Variants in TOX2 observed in about 807,000 individuals in gnomAD.
TOX2 encodes the protein TOX high mobility group box family member 2.
TOX2 carries 15 observed loss-of-function variants against 47.4 expected under a neutral mutation model. That is an observed-to-expected ratio of 0.32 (90% CI 0.21 to 0.49). TOX2 has a LOEUF of 0.49. Ranked by LOEUF, TOX2 falls within the 20% of genes least tolerant of loss-of-function variation. The probability of loss-of-function intolerance (pLI) is 0.99; values close to 1 mark genes in which losing one functional copy is unlikely to be tolerated. For missense variants in TOX2, 622 were observed against 673.1 expected (o/e 0.92, Z 0.84); for synonymous variants, 290 against 296.6 (o/e 0.98, Z 0.23).
chr20:43,936,553 C>A (rs554371334), intron 1 of TOX2, among the ~76,000 whole-genome samples: 1 of 152,282 alleles, frequency 6.6e-6, no homozygotes, highest in African/African-American at 2.4e-5. Flanking sequence ...TCTAGGACAG[C>A]CTCCCTCGTG....
In TOX2 at chr20:44,039,954, C is replaced by T. The variant is rs2071305530; in HGVS notation, c.412-11352C>T. ...AGGGACCCCCGAGGTGGGCCGAGGG[C>T]CGGGGGGCAGGGTCTCCACTGCATC... On this transcript the variant is annotated intron_variant, in intron 3 of 8. Coordinates refer to ENST00000341197, the MANE Select transcript of TOX2 (RefSeq NM_001098797.2). 2.6e-5 allele frequency among the ~76,000 whole-genome samples: 4 copies of T among 152,128 alleles called. No individual in the cohort carries two copies. The South Asian group carries it at 8.3e-4, about 32-fold the overall frequency.
At chr20:43,948,559 G>A (rs916737039) in intron 1 of TOX2, among the ~76,000 whole-genome samples, 1 of 152,262 alleles carries the variant, frequency 6.6e-6, no homozygotes, top group South Asian at 2.1e-4. Context: ...GGGAGGTGAG[G>A]TTTCCAGTGG....
intron 3 of TOX2, among the ~76,000 whole-genome samples, chr20:44,048,417 T>TATATATA (rs1388097590): frequency 7.2e-6 from 1 of 139,608 alleles, no homozygotes; most frequent in Non-Finnish European, 1.5e-5. Flanking sequence ...TATATATGTA[T>TATATATA]AATTTACCAA....
intron 4 of TOX2, 62 bp downstream of exon 4, chr20:44,051,607 T>C (rs1189172739): frequency 1.5e-5 from 23 of 1,516,618 alleles, no homozygotes; most frequent in Non-Finnish European, 2.0e-5. Context: ...AGGGGTCCTG[T>C]GGGGAAATGG....
chr20:43,937,307 G>A (rs1414527130), intron 1 of TOX2, among the ~76,000 whole-genome samples: 5 of 152,192 alleles, frequency 3.3e-5, no homozygotes, highest in Non-Finnish European at 1.5e-5. Context: ...GGTTCGCAAA[G>A]GTCCCCTGAG....
chr20:44,041,802 C>T (rs777204796), intron 3 of TOX2, among the ~76,000 whole-genome samples: 1 of 152,166 alleles, frequency 6.6e-6, no homozygotes, highest in African/African-American at 2.4e-5. Context: ...TTTGCTTTTG[C>T]AGTGTGCAGG....
At chr20:44,040,544 C>T (rs2071314856) in intron 3 of TOX2, among the ~76,000 whole-genome samples, 1 of 152,180 alleles carries the variant, frequency 6.6e-6, no homozygotes, top group Non-Finnish European at 1.5e-5. Flanking sequence ...TGATTATGGG[C>T]AAGTCTCTTG....
chr20:44,047,099 A>T (rs977178773), intron 3 of TOX2, among the ~76,000 whole-genome samples: 1 of 152,236 alleles, frequency 6.6e-6, no homozygotes, highest in Non-Finnish European at 1.5e-5. Context: ...AGACTATTTT[A>T]AAAATACTTA....
chr20:44,062,436 T>C lies in TOX2; in HGVS notation c.880-2341T>C, dbSNP rs1312798959. ...TAAATAAAATACTTAGGAATATACC[T>C]AACCAAGGAGGTGGAAGACCTCTAC... On this transcript the variant is annotated intron_variant, in intron 5 of 8. Coordinates refer to ENST00000341197, the MANE Select transcript of TOX2 (RefSeq NM_001098797.2). Among the ~76,000 whole-genome samples the C allele has an allele frequency of 2.0e-5, 3 of 151,650 alleles. No homozygotes were observed. In the South Asian group the frequency reaches 6.2e-4, roughly 31 times the overall value.
chr20:43,938,197 A>G (rs1027151661), intron 1 of TOX2, among the ~76,000 whole-genome samples: 1 of 152,126 alleles, frequency 6.6e-6, no homozygotes, highest in East Asian at 1.9e-4. Context: ...AATAAATAGA[A>G]ACCATGGCAA....
At chr20:44,036,556 G>A (rs2071244453) in intron 3 of TOX2, among the ~76,000 whole-genome samples, 1 of 152,242 alleles carries the variant, frequency 6.6e-6, no homozygotes, top group Non-Finnish European at 1.5e-5. Context: ...CCACATAAAG[G>A]ATAACATTTC....
chr20:43,989,985 G>A (rs184541623), intron 2 of TOX2, among the ~76,000 whole-genome samples: 154 of 152,146 alleles, frequency 1.0e-3, no homozygotes, highest in Middle Eastern at 3.4e-3. Flanking sequence ...GTTGTTGGCC[G>A]GATTCAGTTC....
chr20:44,027,306 G>T (rs1325952427), intron 3 of TOX2, among the ~76,000 whole-genome samples: 1 of 152,046 alleles, frequency 6.6e-6, no homozygotes, highest in Non-Finnish European at 1.5e-5. Flanking sequence ...TTCAGGGGAG[G>T]GGGTGGGTCA....
At chr20:44,024,114 G>A (rs574769084) in intron 3 of TOX2, among the ~76,000 whole-genome samples, 1 of 152,128 alleles carries the variant, frequency 6.6e-6, no homozygotes, top group Non-Finnish European at 1.5e-5. Flanking sequence ...CTGTATTGAG[G>A]TTATACCATC....
chr20:43,986,483 T>C (rs552223372), intron 2 of TOX2, among the ~76,000 whole-genome samples: 14 of 152,214 alleles, frequency 9.2e-5, no homozygotes, highest in African/African-American at 3.4e-4. Context: ...GGTTTTTCCA[T>C]GTTGGCCAGG....
chr20:44,055,383 A>T (rs932870162), intron 5 of TOX2, among the ~76,000 whole-genome samples: 12 of 152,194 alleles, frequency 7.9e-5, no homozygotes, highest in African/African-American at 2.4e-4. Flanking sequence ...ACCAGGTGAG[A>T]CCTGAAGTGT....
intron 2 of TOX2, among the ~76,000 whole-genome samples, chr20:43,976,309 C>T (rs1417265752): frequency 6.6e-6 from 1 of 152,200 alleles, no homozygotes; most frequent in Non-Finnish European, 1.5e-5. Flanking sequence ...CAGCAGTGGG[C>T]TGGTTGGTAT....
rs1054480572 is a variant in TOX2 at position 43,991,466 on chromosome 20, C to T, written c.166-15081C>T. ...AAACTGTGAACAAAGCAGTCAAACA[C>T]TCCTAGTCCTTACTCGTTCATGCAT... On this transcript the variant is annotated intron_variant, in intron 2 of 8. Coordinates refer to ENST00000341197, the MANE Select transcript of TOX2 (RefSeq NM_001098797.2). Among the ~76,000 whole-genome samples the T allele has an allele frequency of 2.0e-5, 3 of 152,314 alleles. No homozygotes were observed. In the East Asian group the frequency reaches 5.8e-4, roughly 29 times the overall value.
At chr20:44,057,557 T>C (rs1020241708) in intron 5 of TOX2, among the ~76,000 whole-genome samples, 1 of 151,390 alleles carries the variant, frequency 6.6e-6, no homozygotes, top group Non-Finnish European at 1.5e-5. Context: ...GAAAGTTCTT[T>C]CAAATCATCA....
Sources: gnomAD v4.1 joint callset for allele counts (sites outside exome capture counted in the v4.1 genomes callset) on GRCh38, gnomAD v4.1.1 for gene constraint, MANE v1.5 for transcripts, NCBI Gene and HGNC (gene_info 2026-07-23, HGNC 2026-07-21) for gene names.